The following ABCA13 variants were observed in gnomAD, a reference collection of about 807,000 sequenced individuals.
The protein encoded by ABCA13 is ATP-binding cassette sub-family A member 13.
In ABCA13, 476 loss-of-function variants were observed where a neutral mutation model predicts 478.7. The observed-to-expected ratio is 0.99, with a 90% CI of 0.92 to 1.07. The LOEUF (loss-of-function observed/expected upper bound fraction) is 1.07. Among genes scored for constraint, ABCA13 ranks in the 50% least tolerant of loss-of-function variants. The pLI is 0.00. For synonymous variants in ABCA13, 2,252 were observed against 2,158.9 expected, an observed-to-expected ratio of 1.04 and a Z score of -1.20; for missense variants, 6,060 against 5,910.6, an observed-to-expected ratio of 1.03 and a Z score of -0.83.
chr7:48,343,591 CT>C (rs11373950), intron 29 of ABCA13, among the ~76,000 whole-genome samples: 13 of 149,408 alleles, frequency 8.7e-5, no homozygotes, highest in South Asian at 2.1e-4. Context: ...TATAGATTTT[CT>C]TTTTTTTTTA....
At chr7:48,378,998 T>C (rs1813924451) in intron 35 of ABCA13, among the ~76,000 whole-genome samples, 1 of 152,210 alleles carries the variant, frequency 6.6e-6, no homozygotes, top group Non-Finnish European at 1.5e-5. Flanking sequence ...TATTTTCTCT[T>C]TGTGATTGTG....
Position 48,314,908 on chromosome 7 carries a change from G to C in ABCA13, c.9859+499G>C, listed in dbSNP as rs542776475. On this transcript the variant is annotated intron_variant, in intron 26 of 61. Coordinates refer to ENST00000435803, the MANE Select transcript of ABCA13 (RefSeq NM_152701.5). Reference sequence around the variant, plus strand: ...CGATAGGTACAAATGAATATGTCACGATAGGTACAAATGAATATGTCATGA... The same window carrying C: ...CGATAGGTACAAATGAATATGTCACCATAGGTACAAATGAATATGTCATGA... 2.2e-4 allele frequency among the ~76,000 whole-genome samples: 33 copies of C among 152,294 alleles called. 1 individual carries two copies. In the South Asian group the frequency reaches 6.6e-3, roughly 31 times the overall value.
intron 26 of ABCA13, among the ~76,000 whole-genome samples, chr7:48,315,811 A>G (rs10269079): frequency 0.041 from 6,307 of 152,228 alleles, 429 homozygotes; most frequent in African/African-American, 0.14. Flanking sequence ...TACTTTGGGG[A>G]AAGTATTTCT....
chr7:48,619,895 A>G (rs530889746), intron 59 of ABCA13, among the ~76,000 whole-genome samples: 1 of 152,270 alleles, frequency 6.6e-6, no homozygotes, highest in East Asian at 1.9e-4. Flanking sequence ...CCCTAGAGAG[A>G]CAATTGAAGA....
chr7:48,619,583 G>A (rs992879176), intron 59 of ABCA13, among the ~76,000 whole-genome samples: 13 of 152,334 alleles, frequency 8.5e-5, no homozygotes, highest in Middle Eastern at 3.4e-3. Context: ...GTACTCACAA[G>A]TGCAGAGAGT....
intron 29 of ABCA13, among the ~76,000 whole-genome samples, chr7:48,343,607 C>A (rs1226498686): frequency 6.7e-6 from 1 of 148,852 alleles, no homozygotes; most frequent in Non-Finnish European, 1.5e-5. Flanking sequence ...TTTTTAATTT[C>A]AATAGGGTTT....
intron 41 of ABCA13, among the ~76,000 whole-genome samples, chr7:48,414,143 G>C (rs1298516456): frequency 6.6e-6 from 1 of 152,184 alleles, no homozygotes; most frequent in Non-Finnish European, 1.5e-5. Flanking sequence ...AAAGCCAAAG[G>C]ATGCGGTCAC....
intron 8 of ABCA13, among the ~76,000 whole-genome samples, chr7:48,236,810 A>T (rs1414737571): frequency 6.6e-6 from 1 of 152,152 alleles, no homozygotes; most frequent in East Asian, 1.9e-4. Context: ...GGACATGGAC[A>T]TCTTGGGGGA....
intron 19 of ABCA13, among the ~76,000 whole-genome samples, chr7:48,285,797 G>C (rs1325262354): frequency 6.6e-6 from 1 of 152,156 alleles, no homozygotes; most frequent in Non-Finnish European, 1.5e-5. Context: ...GATAAGTGCT[G>C]TGATATATAA....
intron 23 of ABCA13, among the ~76,000 whole-genome samples, chr7:48,308,992 C>T (rs1801332159): frequency 6.9e-6 from 1 of 144,122 alleles, no homozygotes; most frequent in South Asian, 2.3e-4. Flanking sequence ...CCCAATGGTG[C>T]ATTTCCCAAA....
At chr7:48,236,568 C>T (rs1674783215) in intron 8 of ABCA13, among the ~76,000 whole-genome samples, 1 of 152,200 alleles carries the variant, frequency 6.6e-6, no homozygotes, top group Non-Finnish European at 1.5e-5. Flanking sequence ...GCCTCTTTCT[C>T]AATCATCAAA....
At chr7:48,300,802 G>A (rs1158406657) in intron 23 of ABCA13, among the ~76,000 whole-genome samples, 2 of 152,146 alleles carry the variant, frequency 1.3e-5, no homozygotes, top group Admixed American at 1.3e-4. Flanking sequence ...AAATCACAGG[G>A]GCTTCCTGGA....
intron 3 of ABCA13, among the ~76,000 whole-genome samples, chr7:48,213,658 T>G (rs551003898): frequency 6.6e-6 from 1 of 152,342 alleles, no homozygotes; most frequent in African/African-American, 2.4e-5. Context: ...TGATGCTGTT[T>G]TATAGCATTT....
intron 42 of ABCA13, among the ~76,000 whole-genome samples, chr7:48,439,395 T>C (rs1250545729): frequency 6.6e-6 from 1 of 152,136 alleles, no homozygotes. Flanking sequence ...CATATTTTCT[T>C]TAAATTCTCT....
At chr7:48,328,770 C>A (rs1804717850) in intron 27 of ABCA13, among the ~76,000 whole-genome samples, 1 of 151,904 alleles carries the variant, frequency 6.6e-6, no homozygotes, top group Non-Finnish European at 1.5e-5. Context: ...GTATTTTAAA[C>A]AAATGAAAAG....
intron 47 of ABCA13, among the ~76,000 whole-genome samples, chr7:48,486,513 A>G (rs564495367): frequency 6.8e-6 from 1 of 148,072 alleles, no homozygotes; most frequent in South Asian, 2.1e-4. Context: ...TTTATCATGT[A>G]TTTCCAGGCT....
intron 52 of ABCA13, among the ~76,000 whole-genome samples, chr7:48,519,590 A>G (rs1832387216): frequency 6.6e-6 from 1 of 152,272 alleles, no homozygotes; most frequent in African/African-American, 2.4e-5. Context: ...GATGTGGGGG[A>G]GCAAAAACTC....
At position 48,229,832 on chromosome 7, in the gene ABCA13, A is replaced by G; in HGVS notation, c.640A>G (p.Ile214Val). 6.2e-7 allele frequency: 1 copy of G among 1,613,946 alleles called. No individual in the cohort carries two copies. The highest frequency in any genetic ancestry group is 1.3e-5 in the African/African-American group (1 of 75,048). Residue 214 changes from isoleucine (I) to valine (V), a missense_variant, in exon 7 of 62, where the codon ATA becomes GTA. Physicochemically the swap from Ile to Val is conservative, Grantham distance 29 (BLOSUM62 3). Coordinates refer to ENST00000435803, the MANE Select transcript of ABCA13 (RefSeq NM_152701.5). Reference protein sequence around the residue: ...NLLQTILNSLISLEDLDWLPL... With the variant: ...NLLQTILNSLVSLEDLDWLPL... The stretch of plus-strand genomic sequence containing the variant: ...GTTTTGTTTTGGTTCTAGTTCCTTA[A>G]TATCCCTAGAAGATTTAGATTGGCT...
intron 20 of ABCA13, among the ~76,000 whole-genome samples, chr7:48,294,146 A>G (rs964425283): frequency 2.8e-4 from 42 of 152,086 alleles, no homozygotes; most frequent in Non-Finnish European, 1.3e-4. Flanking sequence ...GTTTTGATAA[A>G]CATACAAAGT....
Sources: allele counts gnomAD v4.1 joint callset (sites outside exome capture counted in the v4.1 genomes callset), GRCh38; gene constraint gnomAD v4.1.1; transcripts MANE v1.5; gene names NCBI Gene and HGNC (gene_info 2026-07-23, HGNC 2026-07-21).